The following HEPHL1 variants were observed in gnomAD, a reference collection of about 807,000 sequenced individuals.
The protein encoded by HEPHL1 is ferroxidase HEPHL1.
Under a neutral mutation model 122.0 loss-of-function variants are expected in HEPHL1, and 123 were observed. The observed-to-expected ratio is 1.01, with a 90% CI of 0.87 to 1.17. The LOEUF (loss-of-function observed/expected upper bound fraction) is 1.17. HEPHL1 is among the 50% of genes most tolerant of loss of function. HEPHL1 has a pLI of 0.00. For synonymous variants in HEPHL1, 527 were observed against 508.9 expected, an observed-to-expected ratio of 1.04 and a Z score of -0.48; for missense variants, 1,452 against 1,430.5, an observed-to-expected ratio of 1.01 and a Z score of -0.24.
At chr11:94,068,781 G>A (rs1946053783) in intron 5 of HEPHL1, among the ~76,000 whole-genome samples, 1 of 152,156 alleles carries the variant, frequency 6.6e-6, no homozygotes, top group Admixed American at 6.6e-5. Context: ...ACACCTAAAC[G>A]TCTGCCCTAA....
In HEPHL1 at chr11:94,088,884, T is replaced by A. The variant is rs1320843748; in HGVS notation, c.2210T>A (p.Ile737Asn). The A allele has an allele frequency of 5.6e-6, 9 of 1,613,814 alleles. No homozygotes were observed. Among genetic ancestry groups the A allele is most frequent in the Non-Finnish European group, 5.9e-6 (7 of 1,179,896 alleles). The change falls in exon 12 of 20, where the codon ATC (isoleucine) becomes AAC (asparagine). Residue 737 changes from isoleucine to asparagine, a missense_variant. Transcript: ENST00000315765. ...TACGGGATGATAAGAACTTTTTACATCGCCGCTGAAGAAGTAGAATGGGAT... is the reference window on the plus strand; with the variant it reads ...TACGGGATGATAAGAACTTTTTACAACGCCGCTGAAGAAGTAGAATGGGAT... ...QRYGMIRTFYIAAEEVEWDYA... is the reference protein window; with the variant it reads ...QRYGMIRTFYNAAEEVEWDYA...
intron 10 of HEPHL1, 65 bp downstream of exon 10, chr11:94,082,633 G>C: frequency 2.8e-6 from 4 of 1,454,230 alleles, no homozygotes; most frequent in Non-Finnish European, 3.7e-6. Flanking sequence ...GAAAATGATT[G>C]GTGTGTTTGA....
At chr11:94,097,006 G>A (rs1417848846) in intron 13 of HEPHL1, among the ~76,000 whole-genome samples, 1 of 152,032 alleles carries the variant, frequency 6.6e-6, no homozygotes, top group South Asian at 2.1e-4. Flanking sequence ...GGTTTTTTGT[G>A]TCTCTCTCTC....
intron 12 of HEPHL1, among the ~76,000 whole-genome samples, chr11:94,091,319 C>T (rs1178957025): frequency 6.6e-6 from 1 of 152,086 alleles, no homozygotes; most frequent in Non-Finnish European, 1.5e-5. Context: ...CTCACATGAC[C>T]CTCATATCAA....
At chr11:94,097,469 G>T (rs1946327327) in intron 13 of HEPHL1, among the ~76,000 whole-genome samples, 1 of 152,192 alleles carries the variant, frequency 6.6e-6, no homozygotes, top group African/African-American at 2.4e-5. Flanking sequence ...AGTGCGATGT[G>T]GTGCTGAGAA....
At chr11:94,057,788 C>A (rs1305580090) in intron 2 of HEPHL1, among the ~76,000 whole-genome samples, 1 of 152,130 alleles carries the variant, frequency 6.6e-6, no homozygotes, top group African/African-American at 2.4e-5. Flanking sequence ...ATAGTTTCCA[C>A]TGGCTGCCTT....
At position 94,111,623 on chromosome 11, in the gene HEPHL1, C is replaced by G. The variant is rs1946450826; in HGVS notation, c.3277+18C>G. ...ATCTAACGGTAATGATACCCTCTCC[C>G]CATGTAAATGAGTCAACATTTCACC... On this transcript the variant is annotated intron_variant, in intron 19 of 19. Transcript: ENST00000315765. 2 of 1,607,662 alleles carry G rather than the reference C, an allele frequency of 1.2e-6. No individual in the cohort carries two copies. The highest frequency in any genetic ancestry group is 1.7e-6 in the Non-Finnish European group (2 of 1,176,464).
intron 10 of HEPHL1, among the ~76,000 whole-genome samples, chr11:94,083,345 C>A (rs1245709522): frequency 6.6e-6 from 1 of 152,182 alleles, no homozygotes; most frequent in Non-Finnish European, 1.5e-5. Context: ...AGAGGAATTA[C>A]TTAATTCTCT....
intron 4 of HEPHL1, among the ~76,000 whole-genome samples, chr11:94,064,724 T>C (rs972157268): frequency 1.3e-5 from 2 of 152,270 alleles, no homozygotes; most frequent in Admixed American, 1.3e-4. Flanking sequence ...AAATTGGGCA[T>C]GCAGTGTGGA....
chr11:94,022,468 C>G (rs1945590136), intron 1 of HEPHL1, among the ~76,000 whole-genome samples: 1 of 152,188 alleles, frequency 6.6e-6, no homozygotes, highest in Non-Finnish European at 1.5e-5. Flanking sequence ...AATTCAGGAA[C>G]AGCACAGGGC....
intron 6 of HEPHL1, among the ~76,000 whole-genome samples, chr11:94,071,653 A>G (rs550369550): frequency 6.6e-6 from 1 of 152,294 alleles, no homozygotes; most frequent in Admixed American, 6.5e-5. Context: ...AATAAAATGC[A>G]GAGGAAGAAG....
intron 13 of HEPHL1, 104 bp from the exon 14 acceptor site, chr11:94,101,091 A>G (rs1159762621): frequency 1.5e-6 from 2 of 1,326,438 alleles, no homozygotes; most frequent in South Asian, 2.5e-5. Flanking sequence ...CGGAAAAACA[A>G]CTAAAGCCAA....
At chr11:94,086,830 C>T (rs1005272521) in intron 11 of HEPHL1, among the ~76,000 whole-genome samples, 3 of 152,222 alleles carry the variant, frequency 2.0e-5, no homozygotes, top group Admixed American at 6.5e-5. Flanking sequence ...TAGAGCAACA[C>T]GTGGTAGCAC....
intron 4 of HEPHL1, 61 bp downstream of exon 4, chr11:94,064,571 GGGATAAA>G (rs1946018601): frequency 8.7e-7 from 1 of 1,145,356 alleles, no homozygotes; most frequent in East Asian, 2.4e-5. Context: ...GGTACTACAA[GGGATAAA>G]AAATACACAG....
chr11:94,072,354 G>A (rs1733260786), intron 6 of HEPHL1, among the ~76,000 whole-genome samples: 1 of 152,008 alleles, frequency 6.6e-6, no homozygotes, highest in Non-Finnish European at 1.5e-5. Flanking sequence ...GCACAAGGAG[G>A]ATAGAAAAGG....
chr11:94,093,990 AT>A (rs1363255962), intron 13 of HEPHL1, among the ~76,000 whole-genome samples: 1 of 86,646 alleles, frequency 1.2e-5, no homozygotes, highest in Non-Finnish European at 2.2e-5. Flanking sequence ...ATATATATAT[AT>A]ATATATATAT....
chr11:94,091,891 C>A (rs958197978), intron 12 of HEPHL1, among the ~76,000 whole-genome samples: 2 of 152,078 alleles, frequency 1.3e-5, no homozygotes, highest in Non-Finnish European at 2.9e-5. Flanking sequence ...TTTAGAATGA[C>A]CAGAACATAG....
intron 15 of HEPHL1, among the ~76,000 whole-genome samples, 155 bp from the exon 16 acceptor site, chr11:94,104,373 A>G (rs2134453234): frequency 6.6e-6 from 1 of 152,296 alleles, no homozygotes; most frequent in South Asian, 2.1e-4. Context: ...GGTCAACAGG[A>G]TGGGCTGGAG....
intron 9 of HEPHL1, among the ~76,000 whole-genome samples, chr11:94,079,786 C>T (rs1007958955): frequency 5.3e-5 from 8 of 152,066 alleles, no homozygotes; most frequent in African/African-American, 2.4e-5. Flanking sequence ...TATTGTCCAA[C>T]ATAAGGAGAG....
Sources: gnomAD v4.1 joint callset for allele counts (sites outside exome capture counted in the v4.1 genomes callset) on GRCh38, gnomAD v4.1.1 for gene constraint, MANE v1.5 for transcripts, NCBI Gene and HGNC (gene_info 2026-07-23, HGNC 2026-07-21) for gene names.